The following KIAA0586 variants were observed in gnomAD, a reference collection of about 807,000 sequenced individuals.
KIAA0586 encodes the protein protein TALPID3.
KIAA0586 carries 144 observed loss-of-function variants against 169.8 expected under a neutral mutation model. That is an observed-to-expected ratio of 0.85 (90% CI 0.74 to 0.97). KIAA0586 has a LOEUF of 0.97. Among genes scored for constraint, KIAA0586 ranks in the 50% least tolerant of loss-of-function variants. KIAA0586 has a pLI of 0.00. For missense variants in KIAA0586, 1,854 were observed against 1,823.0 expected, an observed-to-expected ratio of 1.02 and a Z score of -0.31; for synonymous variants, 625 against 612.4, an observed-to-expected ratio of 1.02 and a Z score of -0.30.
intron 27 of KIAA0586, among the ~76,000 whole-genome samples, chr14:58,500,632 G>C (rs2043498166): frequency 6.6e-6 from 1 of 151,752 alleles, no homozygotes; most frequent in Admixed American, 6.6e-5. Flanking sequence ...TTGAACCCGG[G>C]AGGCTCAGAG....
intron 24 of KIAA0586, among the ~76,000 whole-genome samples, chr14:58,489,781 A>T (rs1251280477): frequency 6.8e-6 from 1 of 146,550 alleles, no homozygotes; most frequent in East Asian, 2.0e-4. Context: ...TACTTTAAAG[A>T]TGCATCACCA....
At chr14:58,507,549 G>A (rs1268478646) in intron 27 of KIAA0586, among the ~76,000 whole-genome samples, 1 of 151,622 alleles carries the variant, frequency 6.6e-6, no homozygotes, top group Non-Finnish European at 1.5e-5. Context: ...CTTTGATTTT[G>A]GACAGTTAGT....
chr14:58,524,027 A>G (rs1484641553), intron 29 of KIAA0586, among the ~76,000 whole-genome samples: 2 of 152,190 alleles, frequency 1.3e-5, no homozygotes, highest in Admixed American at 6.5e-5. Flanking sequence ...GTAACAGTGG[A>G]TTATTCCACT....
chr14:58,523,004 T>C (rs754087268), intron 29 of KIAA0586, among the ~76,000 whole-genome samples: 1 of 152,092 alleles, frequency 6.6e-6, no homozygotes, highest in Non-Finnish European at 1.5e-5. Context: ...ATACTTTTTA[T>C]TTAAGAGGTA....
Position 58,548,018 on chromosome 14 carries a change from G to C in KIAA0586, c.*86G>C. 1 of 1,426,050 alleles carries C rather than the reference G, an allele frequency of 7.0e-7. No homozygotes were observed. Among genetic ancestry groups the C allele is most frequent in the South Asian group, 1.5e-5 (1 of 65,912 alleles). The allele number at this position is 1,426,050 out of a possible 1,614,324, so 88.3% of individuals were successfully genotyped here. ...CTTAAAACCCTCTCTCAGACTGTTT[G>C]GTTTTTGAGCATATTCTGAAAAAAA... On this transcript the variant is annotated 3_prime_UTR_variant, in exon 31 of 31. Transcript: ENST00000652326.
At position 58,460,072 on chromosome 14, in the gene KIAA0586, T is replaced by G; in HGVS notation, c.1884+2T>G. The G allele has an allele frequency of 1.4e-6, 2 of 1,429,342 alleles. No homozygotes were observed. The highest frequency in any genetic ancestry group is 1.9e-6 in the Non-Finnish European group (2 of 1,054,740). 88.5% of individuals were successfully genotyped at this position (1,429,342 alleles called of 1,614,324 possible). On this transcript the variant is annotated splice_donor_variant, in intron 13 of 30. Transcript: ENST00000652326. LOFTEE classifies it high-confidence loss of function. The stretch of plus-strand genomic sequence containing the variant: ...AGTTTACAGAAAGAGAGAAAGGAAG[T>G]AAGATCCTAATCTGTTCTTTTAACA...
intron 14 of KIAA0586, among the ~76,000 whole-genome samples, chr14:58,464,928 C>T (rs925433310): frequency 6.6e-6 from 1 of 151,942 alleles, no homozygotes; most frequent in African/African-American, 2.4e-5. Flanking sequence ...TTATGACAGC[C>T]GGGCATGGTG....
rs934568383 is a variant in KIAA0586 at position 58,550,223 on chromosome 14, C to T, written c.*2291C>T. The T allele has an allele frequency of 6.6e-6, 1 of 152,182 alleles. No individual in the cohort carries two copies. The highest frequency in any genetic ancestry group is 1.5e-5 in the Non-Finnish European group (1 of 68,096). 9.4% of individuals were successfully genotyped at this position (152,182 alleles called of 1,614,324 possible). On this transcript the variant is annotated 3_prime_UTR_variant, in exon 31 of 31. Coordinates refer to ENST00000652326, the MANE Select transcript of KIAA0586 (RefSeq NM_001329943.3). ...GTGTTGGTCAGGCTAGTCCTGAACT[C>T]CCGACCTCAGGTGATCTGCCTGCCT...
In KIAA0586 at chr14:58,457,795, C is replaced by T; in HGVS notation, c.1399C>T (p.Leu467Phe). 3 of 1,605,620 alleles carry T rather than the reference C, an allele frequency of 1.9e-6. No homozygotes were observed. In the South Asian group the frequency reaches 3.4e-5, roughly 18 times the overall value. The change falls in exon 11 of 31, where the codon CTT (leucine) becomes TTT (phenylalanine). Residue 467 changes from leucine (L) to phenylalanine (F), a missense_variant. Leu to Phe is a conservative substitution (Grantham distance 22). Coordinates refer to ENST00000652326, the MANE Select transcript of KIAA0586 (RefSeq NM_001329943.3). ...TCTGAGTATGTTGAAGCTTCCAGAT[C>T]TTCCACAGAATTCTGTTAAGCTTCA... ...ESLSMLKLPDLPQNSVKLQTT... is the reference protein window; with the variant it reads ...ESLSMLKLPDFPQNSVKLQTT...
chr14:58,533,535 GT>G, intron 29 of KIAA0586, among the ~76,000 whole-genome samples: 1 of 152,170 alleles, frequency 6.6e-6, no homozygotes, highest in Non-Finnish European at 1.5e-5. Flanking sequence ...GCCTGACTTT[GT>G]TGAATGAGCC....
chr14:58,540,297 C>T (rs1293902196), intron 30 of KIAA0586, among the ~76,000 whole-genome samples, 161 bp downstream of exon 30: 1 of 152,150 alleles, frequency 6.6e-6, no homozygotes, highest in Non-Finnish European at 1.5e-5. Context: ...ACAAACTCAG[C>T]TCTCCAAAAG....
chr14:58,525,768 C>T (rs1170104076), intron 29 of KIAA0586, among the ~76,000 whole-genome samples: 5 of 152,202 alleles, frequency 3.3e-5, no homozygotes, highest in South Asian at 2.1e-4. Context: ...TCTACCTCAG[C>T]GGATTCCACT....
intron 9 of KIAA0586, among the ~76,000 whole-genome samples, chr14:58,453,736 C>T (rs1293290402): frequency 6.6e-6 from 1 of 151,806 alleles, no homozygotes; most frequent in Non-Finnish European, 1.5e-5. Context: ...GGATTTGTTT[C>T]AAAAATAATC....
intron 27 of KIAA0586, among the ~76,000 whole-genome samples, chr14:58,505,311 C>A (rs952991014): frequency 6.6e-6 from 1 of 152,092 alleles, no homozygotes; most frequent in African/African-American, 2.4e-5. Context: ...TTAATGATTA[C>A]GTAAAACTTC....
At position 58,450,601 on chromosome 14, in the gene KIAA0586, T is replaced by TA. The variant is rs1566808289; in HGVS notation, c.985dup (p.Thr329AsnfsTer4). ...AAGCACCTTTAAAAGAAGTTGAAGA[T>TA]ACGAGTTTTGATAAACAGAAATCTC... On this transcript the variant is annotated frameshift_variant, in exon 8 of 31. Coordinates refer to ENST00000652326, the MANE Select transcript of KIAA0586 (RefSeq NM_001329943.3). LOFTEE classifies it high-confidence loss of function. 2 of 1,607,372 alleles carry TA rather than the reference T, an allele frequency of 1.2e-6. No individual in the cohort carries two copies. Among genetic ancestry groups the TA allele is most frequent in the South Asian group, 2.2e-5 (2 of 89,572 alleles).
intron 27 of KIAA0586, among the ~76,000 whole-genome samples, chr14:58,503,469 A>C (rs10143155): frequency 6.6e-6 from 1 of 152,198 alleles, no homozygotes; most frequent in Non-Finnish European, 1.5e-5. Context: ...TTGTTCATTT[A>C]CTTATTCAGA....
chr14:58,452,040 ACAT>A (rs2039435931), intron 8 of KIAA0586, among the ~76,000 whole-genome samples: 1 of 152,134 alleles, frequency 6.6e-6, no homozygotes, highest in Non-Finnish European at 1.5e-5. Context: ...TATTAACCAA[ACAT>A]CATATGTTCT....
chr14:58,534,060 C>A (rs75774835), intron 29 of KIAA0586, among the ~76,000 whole-genome samples: 8,407 of 152,210 alleles, frequency 0.055, 321 homozygotes, highest in South Asian at 0.12. Flanking sequence ...TCAAAACCCA[C>A]TGTCAAGGCT....
chr14:58,447,573 C>T (rs987461266), intron 6 of KIAA0586, among the ~76,000 whole-genome samples: 8 of 151,836 alleles, frequency 5.3e-5, no homozygotes, highest in East Asian at 1.9e-4. Context: ...CTCCGTGTCC[C>T]GGGTTCAAGT....
Sources: gnomAD v4.1 joint callset for allele counts (sites outside exome capture counted in the v4.1 genomes callset) on GRCh38, gnomAD v4.1.1 for gene constraint, MANE v1.5 for transcripts, NCBI Gene and HGNC (gene_info 2026-07-23, HGNC 2026-07-21) for gene names.